The following CLDN16 variants were observed in gnomAD, a reference collection of about 807,000 sequenced individuals.
CLDN16 encodes the protein claudin 16.
In CLDN16, 13 loss-of-function variants were observed where a neutral mutation model predicts 24.6. The ratio of observed to expected loss-of-function variants is 0.53; its 90% CI spans 0.34 to 0.84. The LOEUF (loss-of-function observed/expected upper bound fraction) is 0.84. CLDN16 is among the 40% of genes least tolerant of loss of function. The probability of loss-of-function intolerance (pLI) is 0.01; values close to 1 mark genes in which losing one functional copy is unlikely to be tolerated. For synonymous variants in CLDN16, 116 were observed against 106.7 expected, an observed-to-expected ratio of 1.09 and a Z score of -0.54; for missense variants, 298 against 292.7, an observed-to-expected ratio of 1.02 and a Z score of -0.13.
chr3:190,366,690 C>A (rs1336784397), intron 1 of CLDN16, among the ~76,000 whole-genome samples: 1 of 151,956 alleles, frequency 6.6e-6, no homozygotes, highest in East Asian at 1.9e-4. Context: ...TTGACCCAAA[C>A]TGGGGGAAAG....
chr3:190,393,792 C>T (rs1345624986), intron 1 of CLDN16, among the ~76,000 whole-genome samples: 8 of 149,272 alleles, frequency 5.4e-5, no homozygotes, highest in Non-Finnish European at 1.2e-4. Context: ...TCTCTGTCGC[C>T]CAAGCTGGAG....
intron 3 of CLDN16, among the ~76,000 whole-genome samples, chr3:190,377,552 A>G (rs1397743639): frequency 6.6e-6 from 1 of 151,986 alleles, no homozygotes; most frequent in East Asian, 1.9e-4. Context: ...TCTCTGTTTA[A>G]AGTCTCCTTA....
rs1000542507 is a variant in CLDN16 at position 190,411,552 on chromosome 3, G to C, written c.*1516G>C. Reference sequence around the variant, plus strand: ...AGAATATCAACTCACCCAGAAATTAGTTCTTTGAAAAAAAAGAAATTAAGT... The same window carrying C: ...AGAATATCAACTCACCCAGAAATTACTTCTTTGAAAAAAAAGAAATTAAGT... On this transcript the variant is annotated 3_prime_UTR_variant, in exon 5 of 5. Coordinates refer to ENST00000264734, the MANE Select transcript of CLDN16 (RefSeq NM_006580.4). 6.6e-6 allele frequency: 1 copy of C among 151,852 alleles called. No homozygotes were observed. Among genetic ancestry groups the C allele is most frequent in the Non-Finnish European group, 1.5e-5 (1 of 67,952 alleles). The allele number at this position is 151,852 out of a possible 1,614,324, so 9.4% of individuals were successfully genotyped here.
At chr3:190,362,020 G>GGTCTAACCAGTCTAACCA (rs779569914) in intron 1 of CLDN16, among the ~76,000 whole-genome samples, 3 of 143,790 alleles carry the variant, frequency 2.1e-5, no homozygotes, top group African/African-American at 7.4e-5. Flanking sequence ...AGTCTAACCT[G>GGTCTAACCAGTCTAACCA]GTCTAACCTG....
chr3:190,370,984 G>A (rs1002320841), exon 2 of CLDN16: 1 of 149,286 alleles, frequency 6.7e-6, no homozygotes, highest in Non-Finnish European at 1.5e-5. Flanking sequence ...ATGAACTACT[G>A]TGGGATCTTG....
the CLDN16 span, chr3:190,313,110 T>C: frequency 6.5e-7 from 1 of 1,543,642 alleles, no homozygotes; most frequent in Non-Finnish European, 8.9e-7. Context: ...AGACCAAGTA[T>C]ATGTCACTGT....
the CLDN16 span, among the ~76,000 whole-genome samples, chr3:190,315,922 A>G: frequency 6.6e-6 from 1 of 152,146 alleles, no homozygotes; most frequent in Admixed American, 6.5e-5. Flanking sequence ...AAACTACTCC[A>G]GGGCCCTTAC....
intron 1 of CLDN16, among the ~76,000 whole-genome samples, chr3:190,339,512 T>C (rs75783939): frequency 0.069 from 10,469 of 152,224 alleles, 556 homozygotes; most frequent in African/African-American, 0.14. Context: ...GCAAGTCTAG[T>C]TGCAAAAATA....
intron 1 of CLDN16, among the ~76,000 whole-genome samples, chr3:190,355,132 A>G (rs1348818531): frequency 6.6e-6 from 1 of 152,008 alleles, no homozygotes; most frequent in Admixed American, 6.6e-5. Context: ...TTACACTTAC[A>G]CACAACAAAA....
At chr3:190,312,974 A>G in the CLDN16 span, 9 of 1,614,190 alleles carry the variant, frequency 5.6e-6, no homozygotes, top group Non-Finnish European at 6.8e-6. Context: ...GTGGCCACAA[A>G]GATTGCTATC....
chr3:190,317,862 C>G (rs1171096646), upstream of CLDN16, among the ~76,000 whole-genome samples: 1 of 152,192 alleles, frequency 6.6e-6, no homozygotes, highest in Non-Finnish European at 1.5e-5. Flanking sequence ...CTGTTCAAAC[C>G]TGTGTTGTTC....
At chr3:190,387,762 T>G (rs1019165127), upstream of CLDN16, 10 of 313,356 alleles carry the variant, frequency 3.2e-5, no homozygotes, top group Non-Finnish European at 4.3e-5. Flanking sequence ...CAGACTCCCT[T>G]GAGCGAGCAC....
At chr3:190,377,977 CA>C (rs1246297172) in intron 3 of CLDN16, among the ~76,000 whole-genome samples, 1 of 151,862 alleles carries the variant, frequency 6.6e-6, no homozygotes, top group Admixed American at 6.6e-5. Flanking sequence ...ATGGGGATAA[CA>C]AAGTAGAAGT....
Position 190,348,103 on chromosome 3 carries a change from A to T in CLDN16, n.122-22790A>T, listed in dbSNP as rs536924224. 1.3e-3 allele frequency among the ~76,000 whole-genome samples: 197 copies of T among 148,068 alleles called. 2 individuals carry two copies. The East Asian group carries it at 0.016, about 12-fold the overall frequency. On this transcript the variant is annotated intron_variant and non_coding_transcript_variant, in intron 1 of 4. Coordinates refer to the CLDN16 transcript ENST00000468220. The stretch of plus-strand genomic sequence containing the variant: ...CTGAAAATACAAAAAAAAAAAAAAA[A>T]AAATTAGCTGGCACGGTGGCACTTG...
At chr3:190,405,682 C>G (rs948052659) in intron 3 of CLDN16, among the ~76,000 whole-genome samples, 7 of 152,024 alleles carry the variant, frequency 4.6e-5, no homozygotes, top group African/African-American at 1.7e-4. Flanking sequence ...ACGTACTAAC[C>G]CATTTGTTCA....
chr3:190,383,331 G>A (rs1391484983), upstream of CLDN16, among the ~76,000 whole-genome samples: 1 of 152,076 alleles, frequency 6.6e-6, no homozygotes, highest in Admixed American at 6.6e-5. Context: ...TAAAGAACAA[G>A]GCTTCAGTTC....
At chr3:190,296,354 G>A in the CLDN16 span, among the ~76,000 whole-genome samples, 1 of 152,052 alleles carries the variant, frequency 6.6e-6, no homozygotes, top group African/African-American at 2.4e-5. Context: ...ACTTTATAAA[G>A]GGTGGTCAGA....
At position 190,404,791 on chromosome 3, in the gene CLDN16, A is replaced by G. The variant is rs774947384; in HGVS notation, c.247A>G (p.Ile83Val). 1 of 1,613,940 alleles carries G rather than the reference A, an allele frequency of 6.2e-7. No homozygotes were observed. The highest frequency in any genetic ancestry group is 1.3e-5 in the African/African-American group (1 of 74,860). ...GCTGGTGGTAACTCGAGCGTTGATG[A>G]TTACTGCAGATATTCTAGCTGGGTT... ...LKLVVTRALM[I>V]TADILAGFGF... The change falls in exon 3 of 5, where the codon ATT becomes GTT. Residue 83 changes from isoleucine (I) to valine (V), a missense_variant. By Grantham distance (29) the Ile-to-Val change is conservative. Coordinates refer to ENST00000264734, the MANE Select transcript of CLDN16 (RefSeq NM_006580.4).
intron 1 of CLDN16, among the ~76,000 whole-genome samples, chr3:190,393,956 T>C (rs988269020): frequency 2.6e-5 from 4 of 152,068 alleles, no homozygotes; most frequent in African/African-American, 4.8e-5. Flanking sequence ...TTTCACCATA[T>C]TGGCCAGGCT....
Sources: gnomAD v4.1 joint callset for allele counts (sites outside exome capture counted in the v4.1 genomes callset) on GRCh38, gnomAD v4.1.1 for gene constraint, MANE v1.5 for transcripts, NCBI Gene and HGNC (gene_info 2026-07-23, HGNC 2026-07-21) for gene names.